Variants in SI observed in about 807,000 individuals in gnomAD.
SI encodes the protein sucrase-isomaltase, also known as sucrase-isomaltase, intestinal.
A neutral mutation model predicts 253.3 loss-of-function variants in SI; 235 were observed. The observed-to-expected ratio is 0.93, with a 90% CI of 0.83 to 1.03. The LOEUF is 1.03. Ranked by LOEUF, SI falls within the 50% of genes least tolerant of loss-of-function variation. The pLI, the probability that SI is intolerant of heterozygous loss-of-function variation, is 0.00. For missense variants in SI, 2,442 were observed against 2,211.1 expected, an observed-to-expected ratio of 1.10 and a Z score of -2.09; for synonymous variants, 819 against 712.0, an observed-to-expected ratio of 1.15 and a Z score of -2.39.
At chr3:165,028,772 T>A in intron 25 of SI, among the ~76,000 whole-genome samples, 1 of 151,440 alleles carries the variant, frequency 6.6e-6, no homozygotes, top group Non-Finnish European at 1.5e-5. Context: ...ATCTCTCACC[T>A]TACACAAAAG....
At chr3:164,991,055 C>T (rs74777597) in intron 44 of SI, among the ~76,000 whole-genome samples, 7,872 of 151,992 alleles carry the variant, frequency 0.052, 685 homozygotes, top group African/African-American at 0.18. Context: ...TTTCCTAAAC[C>T]TGGGGTTCCT....
At chr3:165,075,849 T>G (rs754791228) in intron 2 of SI, 46 bp downstream of exon 2, 1 of 1,133,376 alleles carries the variant, frequency 8.8e-7, no homozygotes. Flanking sequence ...AGTAACTTCC[T>G]CCTAACTTCA....
intron 43 of SI, among the ~76,000 whole-genome samples, chr3:164,991,889 G>T (rs1326936703): frequency 6.6e-6 from 1 of 151,926 alleles, no homozygotes; most frequent in Non-Finnish European, 1.5e-5. Context: ...TACCTTTAAT[G>T]ATCATTTTAT....
At chr3:165,002,006 G>A (rs1228320775) in intron 37 of SI, among the ~76,000 whole-genome samples, 3 of 151,172 alleles carry the variant, frequency 2.0e-5, no homozygotes, top group African/African-American at 2.4e-5. Flanking sequence ...AAACTCTTGG[G>A]CACTTATTTA....
Position 165,067,433 on chromosome 3 carries a change from G to C in SI, c.542C>G (p.Thr181Ser), listed in dbSNP as rs570637347. ...EVPHQYVKEF[T>S]GPTVSDTLYD... ...CAACGTATCAGAAACTGTGGGTCCA[G>C]TAAACTCTTTTACATACTGATGAGG... Residue 181 changes from threonine to serine, a missense_variant, in exon 6 of 48, where the codon ACT (threonine) becomes AGT (serine). Thr to Ser is a moderately conservative substitution (Grantham distance 58). Transcript: ENST00000264382. The C allele has an allele frequency of 1.9e-6, 3 of 1,611,666 alleles. No individual in the cohort carries two copies. In the South Asian group the frequency reaches 3.3e-5, roughly 18 times the overall value.
upstream of SI, among the ~76,000 whole-genome samples, chr3:165,078,669 T>A (rs1176825534): frequency 6.6e-6 from 1 of 151,674 alleles, no homozygotes; most frequent in Non-Finnish European, 1.5e-5. Flanking sequence ...TAATTAGTAA[T>A]TGTACTGTCA....
rs1713143961 is a variant in SI, at chr3:165,046,875, C to G, written c.1853G>C (p.Gly618Ala). The G allele has an allele frequency of 6.2e-7, 1 of 1,612,980 alleles. No individual in the cohort carries two copies. Among genetic ancestry groups the G allele is most frequent in the Admixed American group, 1.7e-5 (1 of 59,942 alleles). ...TCCAAACAAACTGAACTCCAGCATT[C>G]CAGTTATAGACCATTCCATTTGTTC... Reference protein sequence around the residue: ...SWEQMEWSITGMLEFSLFGIP... With the variant: ...SWEQMEWSITAMLEFSLFGIP... Residue 618 changes from glycine (G) to alanine (A), a missense_variant, in exon 16 of 48, where the codon GGA (glycine) becomes GCA (alanine). Transcript: ENST00000264382.
At chr3:165,015,792 T>C (rs1718993542) in intron 32 of SI, among the ~76,000 whole-genome samples, 160 bp downstream of exon 32, 1 of 152,024 alleles carries the variant, frequency 6.6e-6, no homozygotes, top group South Asian at 2.1e-4. Context: ...TCACAACCCA[T>C]GCAAATAAAA....
intron 37 of SI, among the ~76,000 whole-genome samples, chr3:165,005,890 G>T (rs1410377737): frequency 6.6e-6 from 1 of 152,114 alleles, no homozygotes; most frequent in Non-Finnish European, 1.5e-5. Context: ...GAGATTACAA[G>T]TATAAGCTGC....
At chr3:165,075,285 A>G (rs1576928393) in intron 2 of SI, among the ~76,000 whole-genome samples, 1 of 152,130 alleles carries the variant, frequency 6.6e-6, no homozygotes, top group African/African-American at 2.4e-5. Context: ...TGCTAACTGT[A>G]GTCTAGAAGA....
At chr3:165,063,387 G>A in intron 8 of SI, 55 bp downstream of exon 8, 1 of 833,722 alleles carries the variant, frequency 1.2e-6, no homozygotes. Flanking sequence ...AAAGAGAGCA[G>A]TTAAAACATT....
chr3:165,046,734 A>G (rs1052492956), intron 16 of SI, 107 bp downstream of exon 16: 10 of 931,344 alleles, frequency 1.1e-5, no homozygotes, highest in Admixed American at 6.3e-5. Context: ...AAACTGAATT[A>G]TTTCTGTAAC....
rs369548417 is a variant in SI at position 165,018,300 on chromosome 3, G to A, written c.3424-234C>T. Among the ~76,000 whole-genome samples, 5 of 122,308 alleles carry A rather than the reference G, an allele frequency of 4.1e-5. No homozygotes were observed. In the East Asian group the frequency reaches 9.8e-4, roughly 24 times the overall value. 80.2% of individuals were successfully genotyped at this position (122,308 alleles called of 152,430 possible). On this transcript the variant is annotated intron_variant, in intron 28 of 47. Transcript: ENST00000264382. ...TTTCTATAATATTTGTATATTAATA[G>A]AAATTAATATACAAATATGTATATA...
intron 3 of SI, among the ~76,000 whole-genome samples, chr3:165,071,673 T>TGGGGCCCTAATTCATTAGGAC (rs1714586181): frequency 6.6e-6 from 1 of 151,910 alleles, no homozygotes; most frequent in Admixed American, 6.6e-5. Flanking sequence ...GATATAAGGG[T>TGGGGCCCTAATTCATTAGGAC]GGGGCCCTAA....
chr3:165,078,332 C>A (rs145305533), intron 1 of SI, 101 bp downstream of exon 1: 1 of 151,708 alleles, frequency 6.6e-6, no homozygotes, highest in South Asian at 2.1e-4. Context: ...GCTATTTTAG[C>A]CTAGTGCAGA....
chr3:165,047,899 C>T (rs1451466664), intron 15 of SI, among the ~76,000 whole-genome samples: 5 of 151,806 alleles, frequency 3.3e-5, no homozygotes, highest in East Asian at 1.9e-4. Flanking sequence ...GCATCACTCA[C>T]GTTACCTAAC....
intron 25 of SI, 140 bp from the exon 26 acceptor site, chr3:165,023,916 CA>C: frequency 1.5e-6 from 1 of 688,714 alleles, no homozygotes; most frequent in Non-Finnish European, 2.6e-6. Context: ...AGTTATAACA[CA>C]AAATATATTT....
chr3:164,992,800 T>C (rs1050334967), intron 41 of SI, among the ~76,000 whole-genome samples: 1 of 151,912 alleles, frequency 6.6e-6, no homozygotes, highest in Non-Finnish European at 1.5e-5. Context: ...TCATTAATTT[T>C]AAAAAGAGTT....
At chr3:165,071,906 T>G (rs1206531526) in intron 3 of SI, among the ~76,000 whole-genome samples, 2 of 152,142 alleles carry the variant, frequency 1.3e-5, no homozygotes, top group African/African-American at 4.8e-5. Flanking sequence ...AGCTGCCCAT[T>G]CTGCGGAATT....
Sources: allele counts gnomAD v4.1 joint callset (sites outside exome capture counted in the v4.1 genomes callset), GRCh38; gene constraint gnomAD v4.1.1; transcripts MANE v1.5; gene names NCBI Gene and HGNC (gene_info 2026-07-23, HGNC 2026-07-21).